The following ATF6 variants were observed in gnomAD, a reference collection of about 807,000 sequenced individuals.
The protein encoded by ATF6 is activating transcription factor 6.
A neutral mutation model predicts 83.6 loss-of-function variants in ATF6; 53 were observed. The observed-to-expected ratio is 0.63, with a 90% CI of 0.51 to 0.80. The LOEUF is 0.80. Ranked by LOEUF, ATF6 falls within the 30% of genes least tolerant of loss-of-function variation. The pLI, the probability that ATF6 is intolerant of heterozygous loss-of-function variation, is 0.00. For missense variants in ATF6, 744 were observed against 797.9 expected (o/e 0.93, Z 0.81); for synonymous variants, 288 against 285.8 (o/e 1.01, Z -0.08).
chr1:161,953,743 C>T (rs1571261139), intron 15 of ATF6, among the ~76,000 whole-genome samples: 1 of 152,168 alleles, frequency 6.6e-6, no homozygotes, highest in East Asian at 1.9e-4. Flanking sequence ...ACCCCATCTG[C>T]AGTTTTACTG....
chr1:161,843,234 G>T (rs956695086), intron 9 of ATF6, among the ~76,000 whole-genome samples: 1 of 152,184 alleles, frequency 6.6e-6, no homozygotes, highest in East Asian at 1.9e-4. Flanking sequence ...AACTCATGCA[G>T]ACTTGGGGAG....
chr1:161,860,260 A>G lies in ATF6; in HGVS notation c.1587A>G (p.Glu529=). 1 of 1,600,460 alleles carries G rather than the reference A, an allele frequency of 6.2e-7. No individual in the cohort carries two copies. Among genetic ancestry groups the G allele is most frequent in the Admixed American group, 1.7e-5 (1 of 58,866 alleles). ...NSQLMAVQYT[E]TTSSISRNSG... is the part of the protein sequence containing the mutation. ...AGCTGATGGCTGTTCAATACACAGA[A>G]ACCACTAGTAGTATCAGGTAAGACA... is the stretch of plus-strand genomic sequence containing the variant. The change falls in exon 13 of 16, where the codon GAA becomes GAG. Residue 529 remains glutamate, a synonymous_variant. Coordinates refer to ENST00000367942, the MANE Select transcript of ATF6 (RefSeq NM_007348.4).
At chr1:161,878,050 A>G (rs1451199755) in intron 14 of ATF6, among the ~76,000 whole-genome samples, 1 of 152,120 alleles carries the variant, frequency 6.6e-6, no homozygotes, top group Non-Finnish European at 1.5e-5. Flanking sequence ...GGCTCTGTGA[A>G]TCTGGGACTC....
chr1:161,829,521 A>G (rs1685994348), intron 9 of ATF6, among the ~76,000 whole-genome samples: 1 of 152,138 alleles, frequency 6.6e-6, no homozygotes, highest in Non-Finnish European at 1.5e-5. Context: ...AAGTAGACCA[A>G]TATCCCTGAT....
At chr1:161,815,295 G>A (rs1162555834) in intron 7 of ATF6, among the ~76,000 whole-genome samples, 3 of 146,632 alleles carry the variant, frequency 2.0e-5, no homozygotes, top group Admixed American at 7.0e-5. Context: ...GAGCTCAAGT[G>A]ATCCTCCTGC....
At chr1:161,782,091 A>G (rs761406989) in intron 3 of ATF6, 92 bp downstream of exon 3, 2 of 810,368 alleles carry the variant, frequency 2.5e-6, no homozygotes, top group Non-Finnish European at 4.0e-6. Flanking sequence ...TTATTGGGCT[A>G]TTCTGGTAGG....
intron 4 of ATF6, among the ~76,000 whole-genome samples, chr1:161,789,026 A>G (rs1684812506): frequency 6.6e-6 from 1 of 151,846 alleles, no homozygotes; most frequent in Admixed American, 6.6e-5. Context: ...TTTTGGGTAC[A>G]TGGTAGGCAT....
chr1:161,791,510 C>G lies in ATF6; in HGVS notation c.457C>G (p.Pro153Ala). Reference protein sequence around the residue: ...SSAEPLKEDKPVTGPRNKTEN... With the variant: ...SSAEPLKEDKAVTGPRNKTEN... ...AGCGGAGCCACTGAAGGAAGATAAG[C>G]CTGTCACTGGTCCTAGGAACAAGAC... Residue 153 changes from proline (P) to alanine (A), a missense_variant, in exon 5 of 16, where the codon CCT becomes GCT. Coordinates refer to ENST00000367942, the MANE Select transcript of ATF6 (RefSeq NM_007348.4). The G allele has an allele frequency of 3.7e-6, 6 of 1,611,914 alleles. No homozygotes were observed. The highest frequency in any genetic ancestry group is 5.1e-6 in the Non-Finnish European group (6 of 1,179,522).
Position 161,958,452 on chromosome 1 carries a change from T to A in ATF6, c.1811T>A (p.Val604Glu), listed in dbSNP as rs1410174110. ...VLPAININEN[V>E]INGQDYEVMM... Reference sequence around the variant, plus strand: ...TGTATATTCCTGTCTGCAGAGAATGTGATCAATGGGCAGGACTACGAAGTG... The same window carrying A: ...TGTATATTCCTGTCTGCAGAGAATGAGATCAATGGGCAGGACTACGAAGTG... The change falls in exon 16 of 16, where the codon GTG (valine) becomes GAG (glutamate). Residue 604 changes from valine (V) to glutamate (E), a missense_variant. Val to Glu is a moderately radical substitution (Grantham distance 121, BLOSUM62 -2). Coordinates refer to ENST00000367942, the MANE Select transcript of ATF6 (RefSeq NM_007348.4). 1.1e-5 allele frequency: 18 copies of A among 1,602,046 alleles called. No homozygotes were observed. The highest frequency in any genetic ancestry group is 1.2e-5 in the Non-Finnish European group (14 of 1,173,502).
intron 15 of ATF6, among the ~76,000 whole-genome samples, chr1:161,943,122 G>A (rs1688683206): frequency 6.6e-6 from 1 of 152,108 alleles, no homozygotes; most frequent in Admixed American, 6.5e-5. Flanking sequence ...CCAAAATGTG[G>A]GAATTACAGG....
At chr1:161,922,564 A>G (rs1042364815) in intron 15 of ATF6, among the ~76,000 whole-genome samples, 19 of 152,118 alleles carry the variant, frequency 1.2e-4, no homozygotes, top group African/African-American at 4.6e-4. Context: ...TGGTCCCTTC[A>G]TGAAATATGG....
chr1:161,889,579 GT>G (rs1687506011), intron 14 of ATF6, among the ~76,000 whole-genome samples: 1 of 152,182 alleles, frequency 6.6e-6, no homozygotes, highest in South Asian at 2.1e-4. Context: ...CATCAGACGT[GT>G]ATTGAGCACC....
At chr1:161,793,836 C>T (rs1448685666) in intron 6 of ATF6, among the ~76,000 whole-genome samples, 2 of 152,176 alleles carry the variant, frequency 1.3e-5, no homozygotes, top group African/African-American at 4.8e-5. Context: ...AACTTCAATA[C>T]TTTCCTGTCA....
chr1:161,920,966 A>G (rs1688202178), intron 15 of ATF6, among the ~76,000 whole-genome samples: 1 of 151,494 alleles, frequency 6.6e-6, no homozygotes, highest in African/African-American at 2.4e-5. Flanking sequence ...GAGTCTTTTT[A>G]GTAAGGATCC....
intron 1 of ATF6, among the ~76,000 whole-genome samples, chr1:161,773,958 C>T (rs1684456490): frequency 6.6e-6 from 1 of 152,144 alleles, no homozygotes; most frequent in Non-Finnish European, 1.5e-5. Flanking sequence ...TTTTCCTTAT[C>T]TAGATTTACC....
chr1:161,932,807 T>C (rs1688459749), intron 15 of ATF6, among the ~76,000 whole-genome samples: 1 of 152,176 alleles, frequency 6.6e-6, no homozygotes, highest in East Asian at 1.9e-4. Context: ...TTGGGGAGGA[T>C]CTATGTGCAA....
intron 4 of ATF6, among the ~76,000 whole-genome samples, chr1:161,789,832 G>A (rs1466873490): frequency 2.6e-5 from 4 of 152,032 alleles, no homozygotes; most frequent in South Asian, 2.1e-4. Flanking sequence ...GTCTCCTCCC[G>A]TGTTACCTTG....
At chr1:161,943,187 G>T (rs953489570) in intron 15 of ATF6, among the ~76,000 whole-genome samples, 15 of 152,150 alleles carry the variant, frequency 9.9e-5, no homozygotes, top group African/African-American at 3.6e-4. Flanking sequence ...ATTCCCACAT[G>T]TCAAGATTGA....
At chr1:161,822,500 G>A (rs1236574010) in intron 9 of ATF6, among the ~76,000 whole-genome samples, 1 of 151,892 alleles carries the variant, frequency 6.6e-6, no homozygotes, top group Non-Finnish European at 1.5e-5. Context: ...ATTAAAATTG[G>A]TTGAGAAATT....
Sources: gnomAD v4.1 joint callset for allele counts (sites outside exome capture counted in the v4.1 genomes callset) on GRCh38, gnomAD v4.1.1 for gene constraint, MANE v1.5 for transcripts, NCBI Gene and HGNC (gene_info 2026-07-23, HGNC 2026-07-21) for gene names.